Variants in SNX29 observed in about 807,000 individuals in gnomAD.
SNX29 encodes sorting nexin 29.
Under a neutral mutation model 102.1 loss-of-function variants are expected in SNX29, and 78 were observed. The observed-to-expected ratio is 0.76, with a 90% CI of 0.64 to 0.92. SNX29 has a LOEUF of 0.92. Ranked by LOEUF, SNX29 falls within the 40% of genes least tolerant of loss-of-function variation. The pLI, the probability that SNX29 is intolerant of heterozygous loss-of-function variation, is 0.00. For missense variants in SNX29, 1,280 were observed against 1,061.7 expected, an observed-to-expected ratio of 1.21 and a Z score of -2.86; for synonymous variants, 580 against 414.5, an observed-to-expected ratio of 1.40 and a Z score of -4.85.
rs558247183 is a variant in SNX29 at position 12,261,438 on chromosome 16, G to A, written c.1679-16495G>A. 4.2e-5 allele frequency among the ~76,000 whole-genome samples: 6 copies of A among 141,188 alleles called. No homozygotes were observed. The South Asian group carries it at 1.2e-3, about 27-fold the overall frequency. 92.6% of individuals were successfully genotyped at this position (141,188 alleles called of 152,430 possible). ...TTGCTCTGAGCTCCGGTCTGTGCAC[G>A]TGTCCCCCGCTGGAGTGAGTGTTGG... On this transcript the variant is annotated intron_variant, in intron 14 of 20. Transcript: ENST00000566228.
Position 12,572,228 on chromosome 16 carries a change from A to C in SNX29, c.*3599A>C, listed in dbSNP as rs972313561. The C allele has an allele frequency of 3.9e-6, 4 of 1,020,014 alleles. No individual in the cohort carries two copies. The highest frequency in any genetic ancestry group is 3.6e-6 in the Non-Finnish European group (3 of 838,782). 63.2% of individuals were successfully genotyped at this position (1,020,014 alleles called of 1,614,324 possible). ...GCTTTAAAAACCAGAGGCTCCTGAA[A>C]GTCGTTTACACCAGGTGGATTGATA... On this transcript the variant is annotated 3_prime_UTR_variant, in exon 21 of 21. Transcript: ENST00000566228.
At chr16:12,433,647 AAAAG>A (rs1234715238) in intron 18 of SNX29, among the ~76,000 whole-genome samples, 654 of 49,556 alleles carry the variant, frequency 0.013, 8 homozygotes, top group African/African-American at 0.02. Context: ...AAAAAAAAAA[AAAAG>A]GAAACTTAGC....
chr16:11,998,474 G>T (rs182941310), intron 1 of SNX29, among the ~76,000 whole-genome samples: 15 of 152,252 alleles, frequency 9.9e-5, no homozygotes, highest in African/African-American at 3.1e-4. Context: ...GACAAATAGG[G>T]TTATTTATTT....
intron 14 of SNX29, among the ~76,000 whole-genome samples, chr16:12,259,035 C>T (rs1281265955): frequency 2.0e-5 from 3 of 152,142 alleles, no homozygotes. Flanking sequence ...AGGAGTGCCA[C>T]GCCTCCCTCC....
chr16:12,389,139 G>A (rs552311053), intron 16 of SNX29, among the ~76,000 whole-genome samples: 34 of 152,282 alleles, frequency 2.2e-4, no homozygotes, highest in Admixed American at 1.8e-3. Flanking sequence ...ACACTAGCGC[G>A]AGCCAGTTCA....
intron 13 of SNX29, among the ~76,000 whole-genome samples, chr16:12,166,059 C>G (rs1596403040): frequency 6.6e-6 from 1 of 152,254 alleles, no homozygotes; most frequent in East Asian, 1.9e-4. Context: ...TCCATGTCAT[C>G]TATTCATGGT....
chr16:12,363,512 A>G (rs544601904), intron 16 of SNX29, among the ~76,000 whole-genome samples: 1 of 152,214 alleles, frequency 6.6e-6, no homozygotes, highest in Non-Finnish European at 1.5e-5. Flanking sequence ...AGTGCTGACC[A>G]TAGTGCGAGG....
At chr16:12,452,201 T>A (rs8055480) in intron 18 of SNX29, among the ~76,000 whole-genome samples, 57,867 of 152,066 alleles carry the variant, frequency 0.38, 11,135 homozygotes, top group South Asian at 0.45. Context: ...ATAATGCCCT[T>A]CAGTGATTCT....
intron 20 of SNX29, among the ~76,000 whole-genome samples, chr16:12,563,018 G>A (rs532166513): frequency 9.0e-4 from 137 of 152,084 alleles, no homozygotes; most frequent in African/African-American, 3.1e-3. Flanking sequence ...CTTTCAAACC[G>A]TGTTTACATC....
intron 19 of SNX29, among the ~76,000 whole-genome samples, chr16:12,495,748 G>A (rs1295248586): frequency 6.6e-6 from 1 of 152,150 alleles, no homozygotes; most frequent in Non-Finnish European, 1.5e-5. Context: ...TGAGGGGAAT[G>A]TGAGAGACAG....
At chr16:12,034,658 T>A (rs889768686) in intron 4 of SNX29, among the ~76,000 whole-genome samples, 5 of 152,296 alleles carry the variant, frequency 3.3e-5, no homozygotes, top group African/African-American at 1.2e-4. Context: ...TGTTAAGATC[T>A]AGTGGAGCTG....
chr16:12,443,139 G>A (rs1336240630), intron 18 of SNX29: 6 of 411,094 alleles, frequency 1.5e-5, no homozygotes, highest in East Asian at 1.4e-4. Context: ...AAATCCTGCC[G>A]GGCCTAGGGC....
At chr16:12,285,944 C>T (rs1042295269) in intron 15 of SNX29, among the ~76,000 whole-genome samples, 7 of 152,150 alleles carry the variant, frequency 4.6e-5, no homozygotes, top group African/African-American at 1.7e-4. Context: ...CAACCTCCGC[C>T]TCCTGGGTTC....
intron 13 of SNX29, among the ~76,000 whole-genome samples, chr16:12,155,071 C>T (rs1050757373): frequency 4.6e-5 from 7 of 152,168 alleles, no homozygotes; most frequent in African/African-American, 1.7e-4. Context: ...CCTTGCCCTT[C>T]TGCCAGTGGC....
chr16:12,568,553 C>CT lies in SNX29; in HGVS notation c.2368dup (p.Ser790PhefsTer23). On this transcript the variant is annotated frameshift_variant, in exon 21 of 21. Coordinates refer to ENST00000566228, the MANE Select transcript of SNX29 (RefSeq NM_032167.5). LOFTEE classifies it high-confidence loss of function. Reference sequence around the variant, plus strand: ...CCTGTGAACAGCCGGCCCAAAGCAGCTTCCCGCTTCCCCAAACTGTCCCGG... The same window carrying CT: ...CCTGTGAACAGCCGGCCCAAAGCAGCTTTCCCGCTTCCCCAAACTGTCCCGG... 2 of 1,609,414 alleles carry CT rather than the reference C, an allele frequency of 1.2e-6. No individual in the cohort carries two copies. The highest frequency in any genetic ancestry group is 1.3e-5 in the African/African-American group (1 of 75,046).
At chr16:12,312,176 A>C (rs1193954350) in intron 15 of SNX29, among the ~76,000 whole-genome samples, 1 of 152,138 alleles carries the variant, frequency 6.6e-6, no homozygotes, top group Non-Finnish European at 1.5e-5. Context: ...GGCAAAAAGG[A>C]TATTGGGGGC....
In SNX29 at chr16:12,487,885, G is replaced by T. The variant is rs7189548; in HGVS notation, c.2178+10026G>T. Reference sequence around the variant, plus strand: ...TAGTACTTAATGTATTAATCGAGAAGAAGAGAGAAACTGGGCTCATTATAC... The same window carrying T: ...TAGTACTTAATGTATTAATCGAGAATAAGAGAGAAACTGGGCTCATTATAC... On this transcript the variant is annotated intron_variant, in intron 19 of 20. Transcript: ENST00000566228. Among the ~76,000 whole-genome samples the T allele has an allele frequency of 5.2e-3, 799 of 152,288 alleles. 7 individuals carry two copies. Among genetic ancestry groups the T allele is most frequent in the African/African-American group, 0.018 (742 of 41,554 alleles).
At chr16:12,412,868 G>T (rs1487559174) in intron 18 of SNX29, among the ~76,000 whole-genome samples, 2 of 152,176 alleles carry the variant, frequency 1.3e-5, no homozygotes, top group African/African-American at 4.8e-5. Context: ...CATACTCTCA[G>T]TAGCAAACAG....
intron 18 of SNX29, among the ~76,000 whole-genome samples, chr16:12,404,465 T>C (rs1433055167): frequency 6.6e-6 from 1 of 152,194 alleles, no homozygotes; most frequent in Non-Finnish European, 1.5e-5. Context: ...GCCCTTGTTC[T>C]GGGACTGCTT....
Sources: allele counts gnomAD v4.1 joint callset (sites outside exome capture counted in the v4.1 genomes callset), GRCh38; gene constraint gnomAD v4.1.1; transcripts MANE v1.5; gene names NCBI Gene and HGNC (gene_info 2026-07-23, HGNC 2026-07-21).